Variants in NBAS observed in about 807,000 individuals in gnomAD.
The protein encoded by NBAS is NBAS subunit of NRZ tethering complex.
Under a neutral mutation model 302.5 loss-of-function variants are expected in NBAS, and 219 were observed. The ratio of observed to expected loss-of-function variants is 0.72; its 90% CI spans 0.65 to 0.81. NBAS has a LOEUF of 0.81. Among genes scored for constraint, NBAS ranks in the 30% least tolerant of loss-of-function variants. The pLI is 0.00. For synonymous variants in NBAS, 1,118 were observed against 1,021.6 expected (o/e 1.09, Z -1.80); for missense variants, 2,932 against 2,841.6 (o/e 1.03, Z -0.72).
chr2:14,850,104 A>T, the NBAS span, among the ~76,000 whole-genome samples: 3 of 136,480 alleles, frequency 2.2e-5, no homozygotes, highest in African/African-American at 1.0e-4. Flanking sequence ...TAAATGGACT[A>T]AATTCTCCAA....
chr2:15,276,154 T>G (rs1669574077), intron 43 of NBAS, among the ~76,000 whole-genome samples: 1 of 152,212 alleles, frequency 6.6e-6, no homozygotes. Context: ...ACAAACTGCA[T>G]TACATTTCTT....
intron 44 of NBAS, among the ~76,000 whole-genome samples, chr2:15,264,296 GAT>G (rs1483521566): frequency 1.3e-5 from 2 of 152,130 alleles, no homozygotes; most frequent in Non-Finnish European, 2.9e-5. Flanking sequence ...TCTTCCCCAA[GAT>G]TTACACCCCC....
chr2:15,100,623 C>T, the NBAS span, among the ~76,000 whole-genome samples: 5 of 152,128 alleles, frequency 3.3e-5, no homozygotes, highest in East Asian at 5.8e-4. Flanking sequence ...GACAGGGTGT[C>T]GAATTTAGTG....
At position 15,436,230 on chromosome 2, in the gene NBAS, C is replaced by T. The variant is rs184688386; in HGVS notation, c.2340-8436G>A. Among the ~76,000 whole-genome samples, 529 of 152,268 alleles carry T rather than the reference C, an allele frequency of 3.5e-3. 3 individuals are homozygous for T. The highest frequency in any genetic ancestry group is 5.4e-3 in the South Asian group (26 of 4,830). ...ATTGAATAAAAACTATAAAAGTCAA[C>T]GTAAGAGGAAGACTACATAGCTAAG... On this transcript the variant is annotated intron_variant, in intron 21 of 51. Coordinates refer to ENST00000281513, the MANE Select transcript of NBAS (RefSeq NM_015909.4).
the NBAS span, among the ~76,000 whole-genome samples, chr2:14,992,141 T>C: frequency 6.6e-6 from 1 of 152,196 alleles, no homozygotes; most frequent in African/African-American, 2.4e-5. Context: ...TCCAGATTGG[T>C]GACATAATAT....
chr2:14,790,683 C>G, the NBAS span, among the ~76,000 whole-genome samples: 1 of 139,366 alleles, frequency 7.2e-6, no homozygotes, highest in South Asian at 2.3e-4. Context: ...CAGAGTTTCA[C>G]ACTTGTTGCC....
At chr2:14,913,717 T>G in the NBAS span, among the ~76,000 whole-genome samples, 11 of 151,922 alleles carry the variant, frequency 7.2e-5, no homozygotes, top group Non-Finnish European at 1.6e-4. Flanking sequence ...AGCTTGGAAG[T>G]TACAGTAATG....
rs762416755 is a variant in NBAS at position 15,234,527 on chromosome 2, G to C, written c.6146+18C>G. 1 of 1,611,618 alleles carries C rather than the reference G, an allele frequency of 6.2e-7. No homozygotes were observed. The highest frequency in any genetic ancestry group is 8.5e-7 in the Non-Finnish European group (1 of 1,179,402). On this transcript the variant is annotated intron_variant, in intron 46 of 51. Coordinates refer to ENST00000281513, the MANE Select transcript of NBAS (RefSeq NM_015909.4). Reference sequence around the variant, plus strand: ...AGTGTCACCCCAGTTTTTCCACAATGACCACTTTCTAGCTTACCTCAATGC... The same window carrying C: ...AGTGTCACCCCAGTTTTTCCACAATCACCACTTTCTAGCTTACCTCAATGC...
the NBAS span, among the ~76,000 whole-genome samples, chr2:15,044,564 G>C: frequency 6.6e-6 from 1 of 152,216 alleles, no homozygotes; most frequent in Non-Finnish European, 1.5e-5. Flanking sequence ...TCCTAGAGTG[G>C]CCATGGAACA....
At chr2:15,405,456 C>A (rs1232133094) in intron 25 of NBAS, among the ~76,000 whole-genome samples, 1 of 151,864 alleles carries the variant, frequency 6.6e-6, no homozygotes, top group Non-Finnish European at 1.5e-5. Context: ...TTCATTATTC[C>A]TTCCCTATTA....
At chr2:14,983,151 T>C in the NBAS span, among the ~76,000 whole-genome samples, 1 of 152,182 alleles carries the variant, frequency 6.6e-6, no homozygotes, top group Non-Finnish European at 1.5e-5. Flanking sequence ...ACAGAGACAA[T>C]ACTACTAAGT....
chr2:15,123,153 T>C, the NBAS span, among the ~76,000 whole-genome samples: 1 of 152,314 alleles, frequency 6.6e-6, no homozygotes, highest in African/African-American at 2.4e-5. Context: ...TGAGTCATCC[T>C]GGCTGTTGAA....
intron 10 of NBAS, among the ~76,000 whole-genome samples, chr2:15,504,835 A>C (rs1027252678): frequency 7.9e-5 from 12 of 152,284 alleles, no homozygotes; most frequent in Admixed American, 5.9e-4. Context: ...TAAAACTAAC[A>C]TACGACCCAG....
At chr2:15,552,767 T>C (rs1664439408) in intron 5 of NBAS, among the ~76,000 whole-genome samples, 1 of 151,806 alleles carries the variant, frequency 6.6e-6, no homozygotes, top group African/African-American at 2.4e-5. Flanking sequence ...TCTACAGTTT[T>C]GTACCAACAG....
chr2:14,832,873 A>C, the NBAS span, among the ~76,000 whole-genome samples: 1 of 152,166 alleles, frequency 6.6e-6, no homozygotes, highest in Non-Finnish European at 1.5e-5. Flanking sequence ...GATGTTGCCA[A>C]ATGTCCCATG....
At chr2:15,232,303 C>T (rs1355334697) in intron 47 of NBAS, 119 bp downstream of exon 47, 9 of 926,240 alleles carry the variant, frequency 9.7e-6, no homozygotes, top group Admixed American at 2.0e-5. Context: ...AGAGCCGCTC[C>T]TTTCCCACCT....
intron 42 of NBAS, among the ~76,000 whole-genome samples, chr2:15,279,269 G>A (rs1247759696): frequency 6.6e-6 from 1 of 152,090 alleles, no homozygotes; most frequent in African/African-American, 2.4e-5. Flanking sequence ...ACTTATAGAT[G>A]ATAAATTGCC....
chr2:15,510,619 A>T (rs927069500), intron 10 of NBAS, among the ~76,000 whole-genome samples: 1 of 152,244 alleles, frequency 6.6e-6, no homozygotes, highest in African/African-American at 2.4e-5. Context: ...AACCTAGCCT[A>T]TGCTGACTAC....
At chr2:15,043,877 C>T in the NBAS span, among the ~76,000 whole-genome samples, 9 of 152,122 alleles carry the variant, frequency 5.9e-5, no homozygotes, top group East Asian at 1.9e-4. Flanking sequence ...CCAGGGCTCC[C>T]GGGGATTGTA....
Sources: allele counts gnomAD v4.1 joint callset (sites outside exome capture counted in the v4.1 genomes callset), GRCh38; gene constraint gnomAD v4.1.1; transcripts MANE v1.5; gene names NCBI Gene and HGNC (gene_info 2026-07-23, HGNC 2026-07-21).